The following ATG4C variants were observed in gnomAD, a reference collection of about 807,000 sequenced individuals.
ATG4C encodes the protein autophagy related 4C cysteine peptidase.
A neutral mutation model predicts 57.6 loss-of-function variants in ATG4C; 56 were observed. The ratio of observed to expected loss-of-function variants is 0.97; its 90% confidence interval spans 0.78 to 1.21. ATG4C has a LOEUF of 1.21. Among genes scored for constraint, ATG4C ranks in the 50% most tolerant of loss-of-function variants. The pLI is 0.00. For missense variants in ATG4C, 595 were observed against 529.8 expected (o/e 1.12, Z -1.21); for synonymous variants, 157 against 174.1 (o/e 0.90, Z 0.78).
chr1:62,840,569 T>A (rs984145623), intron 9 of ATG4C, among the ~76,000 whole-genome samples: 7 of 152,168 alleles, frequency 4.6e-5, no homozygotes, highest in East Asian at 1.9e-4. Context: ...ATTAAAAAAA[T>A]TTTTAAACAT....
At chr1:62,820,344 C>T (rs1257290747) in intron 5 of ATG4C, among the ~76,000 whole-genome samples, 2 of 152,012 alleles carry the variant, frequency 1.3e-5, no homozygotes, top group Non-Finnish European at 2.9e-5. Context: ...CCTCCAGTCC[C>T]TTAAAACTGT....
intron 10 of ATG4C, among the ~76,000 whole-genome samples, chr1:62,849,255 T>C (rs888797793): frequency 2.0e-5 from 3 of 152,144 alleles, no homozygotes; most frequent in Non-Finnish European, 4.4e-5. Flanking sequence ...CCCCATCTAG[T>C]GGCTTTAAAA....
chr1:62,808,625 C>T (rs2100301965), intron 3 of ATG4C, among the ~76,000 whole-genome samples: 2 of 151,888 alleles, frequency 1.3e-5, no homozygotes, highest in South Asian at 4.2e-4. Context: ...CTGTAGAAAC[C>T]AAAGGAAAGA....
At chr1:62,811,431 T>C (rs1665080921) in intron 3 of ATG4C, among the ~76,000 whole-genome samples, 1 of 152,240 alleles carries the variant, frequency 6.6e-6, no homozygotes, top group African/African-American at 2.4e-5. Flanking sequence ...TATGTCGAGG[T>C]ATATAGTATA....
chr1:62,797,223 A>G (rs140193876), intron 1 of ATG4C, among the ~76,000 whole-genome samples: 29 of 152,322 alleles, frequency 1.9e-4, no homozygotes, highest in African/African-American at 3.8e-4. Flanking sequence ...ATCGACATGC[A>G]TAAGTTATAT....
intron 10 of ATG4C, among the ~76,000 whole-genome samples, chr1:62,859,360 A>G (rs949807493): frequency 6.6e-6 from 1 of 152,244 alleles, no homozygotes; most frequent in African/African-American, 2.4e-5. Flanking sequence ...CTGGACTACA[A>G]ATCTGTACAG....
chr1:62,793,158 C>T (rs1018230931), intron 1 of ATG4C, among the ~76,000 whole-genome samples: 1 of 151,728 alleles, frequency 6.6e-6, no homozygotes, highest in Non-Finnish European at 1.5e-5. Context: ...AGTGCTGGGA[C>T]TACAGGCGTG....
chr1:62,796,978 C>G (rs1023598305), intron 1 of ATG4C, among the ~76,000 whole-genome samples: 1 of 152,038 alleles, frequency 6.6e-6, no homozygotes, highest in South Asian at 2.1e-4. Flanking sequence ...CATGGTGGCA[C>G]ATGCCTGAAA....
intron 10 of ATG4C, among the ~76,000 whole-genome samples, chr1:62,842,991 T>C (rs932762990): frequency 4.6e-5 from 7 of 152,218 alleles, no homozygotes; most frequent in South Asian, 2.1e-4. Flanking sequence ...ACAGGTGATA[T>C]TGTGATATTT....
intron 1 of ATG4C, among the ~76,000 whole-genome samples, chr1:62,795,553 C>T (rs1201101784): frequency 6.6e-6 from 1 of 152,088 alleles, no homozygotes; most frequent in Non-Finnish European, 1.5e-5. Context: ...ATACTATTAG[C>T]ATCTAATTAA....
rs1282080686 is a variant in ATG4C at position 62,834,085 on chromosome 1, T to C, written c.981T>C (p.Pro327=). 15 of 1,612,856 alleles carry C rather than the reference T, an allele frequency of 9.3e-6. 1 individual carries two copies. In the South Asian group the frequency reaches 1.2e-4, roughly 13 times the overall value. Residue 327 remains proline, a synonymous_variant, in exon 8 of 11, where the codon CCT becomes CCC. Transcript: ENST00000317868. ...GTGTGGGTATTATTGGTGGCAAACCTAAACAGTCATATTACTTTGCTGGAT... is the reference window on the plus strand; with the variant it reads ...GTGTGGGTATTATTGGTGGCAAACCCAAACAGTCATATTACTTTGCTGGAT... ...EYCVGIIGGK[P]KQSYYFAGFQ...
At chr1:62,853,247 G>A (rs1226534230) in intron 10 of ATG4C, among the ~76,000 whole-genome samples, 1 of 151,842 alleles carries the variant, frequency 6.6e-6, no homozygotes. Context: ...TTCTCTGAGA[G>A]CTTTCAGGTT....
chr1:62,861,576 AACACACACACACACACACAC>A (rs57225222), intron 10 of ATG4C, among the ~76,000 whole-genome samples: 106 of 133,562 alleles, frequency 7.9e-4, no homozygotes, highest in Non-Finnish European at 1.4e-3. Flanking sequence ...TGGAAAATAG[AACACACACACACACACACAC>A]ACACACACAC....
intron 9 of ATG4C, among the ~76,000 whole-genome samples, chr1:62,838,761 CAA>C (rs1666077123): frequency 1.5e-5 from 2 of 136,208 alleles, no homozygotes; most frequent in South Asian, 4.6e-4. Flanking sequence ...GCCTGGGCGA[CAA>C]GAGTGAAACT....
chr1:62,805,331 G>T, intron 3 of ATG4C, 76 bp downstream of exon 3: 2 of 1,374,570 alleles, frequency 1.5e-6, no homozygotes, highest in Non-Finnish European at 1.9e-6. Context: ...TTTATTTCTA[G>T]ATTAATCTAC....
At chr1:62,794,027 A>T (rs564792129) in intron 1 of ATG4C, among the ~76,000 whole-genome samples, 24 of 152,184 alleles carry the variant, frequency 1.6e-4, no homozygotes, top group African/African-American at 4.3e-4. Flanking sequence ...AAATGTATTT[A>T]TCAAACAACT....
intron 2 of ATG4C, among the ~76,000 whole-genome samples, chr1:62,804,696 A>G (rs1664800085): frequency 6.6e-6 from 1 of 152,164 alleles, no homozygotes; most frequent in East Asian, 1.9e-4. Context: ...CTATTTTTGA[A>G]GCCCACCTAA....
At chr1:62,806,073 T>C (rs1664870727) in intron 3 of ATG4C, among the ~76,000 whole-genome samples, 1 of 152,196 alleles carries the variant, frequency 6.6e-6, no homozygotes, top group Admixed American at 6.5e-5. Context: ...CTTGTAGTAA[T>C]AACAGCTGAC....
chr1:62,828,429 A>G (rs114367582), intron 6 of ATG4C, among the ~76,000 whole-genome samples: 1,885 of 152,032 alleles, frequency 0.012, 35 homozygotes, highest in African/African-American at 0.043. Context: ...TAATACGCTT[A>G]TTGGCTACAT....
Sources: gnomAD v4.1 joint callset for allele counts (sites outside exome capture counted in the v4.1 genomes callset) on GRCh38, gnomAD v4.1.1 for gene constraint, MANE v1.5 for transcripts, NCBI Gene and HGNC (gene_info 2026-07-23, HGNC 2026-07-21) for gene names.